EXD2: variants seen among roughly 807,000 people sequenced by gnomAD.
EXD2 encodes the protein exonuclease 3'-5' domain-containing protein 2.
Under a neutral mutation model 62.5 loss-of-function variants are expected in EXD2, and 40 were observed. The ratio of observed to expected loss-of-function variants is 0.64; its 90% CI spans 0.50 to 0.83. EXD2 has a LOEUF of 0.83. EXD2 is among the 40% of genes least tolerant of loss of function. The pLI is 0.00. For synonymous variants in EXD2, 239 were observed against 291.9 expected (o/e 0.82, Z 1.85); for missense variants, 671 against 761.8 (o/e 0.88, Z 1.40).
chr14:69,228,260 C>T (rs1245828973), intron 3 of EXD2, among the ~76,000 whole-genome samples: 8 of 143,200 alleles, frequency 5.6e-5, no homozygotes, highest in African/African-American at 2.1e-4. Context: ...GGCGCAATCT[C>T]GGCTCACTGC....
Position 69,243,243 on chromosome 14 carries a change from T to A in EXD2, c.*2143T>A, listed in dbSNP as rs2044025600. On this transcript the variant is annotated 3_prime_UTR_variant, in exon 10 of 10. Coordinates refer to ENST00000685843, the MANE Select transcript of EXD2 (RefSeq NM_001193360.2). ...TCAGAGATTTGAGGGTAGACTTATT[T>A]TATGGCAAATGTCTATTTTTCTGAT... 1.3e-5 allele frequency: 2 copies of A among 152,360 alleles called. No individual in the cohort carries two copies. The highest frequency in any genetic ancestry group is 2.9e-5 in the Non-Finnish European group (2 of 68,020). 9.4% of individuals were successfully genotyped at this position (152,360 alleles called of 1,614,324 possible).
chr14:69,208,450 T>A lies in EXD2; in HGVS notation c.-47-974T>A, dbSNP rs186998051. The stretch of plus-strand genomic sequence containing the variant: ...TGGTCTCGATCTCCTGACCTCGTGA[T>A]CCACCTGCCTCGGCCTCCCAAAGTG... On this transcript the variant is annotated intron_variant, in intron 2 of 9. Transcript: ENST00000685843. Among the ~76,000 whole-genome samples, 543 of 152,230 alleles carry A rather than the reference T, an allele frequency of 3.6e-3. 2 individuals carry two copies. Among genetic ancestry groups the A allele is most frequent in the South Asian group, 0.014 (67 of 4,820 alleles).
intron 9 of EXD2, chr14:69,239,047 A>G (rs1275066800): frequency 6.6e-6 from 1 of 152,214 alleles, no homozygotes; most frequent in African/African-American, 2.4e-5. Flanking sequence ...ACTGTGACTA[A>G]TGAATTCATG....
intron 1 of EXD2, among the ~76,000 whole-genome samples, chr14:69,195,051 T>C (rs2042156435): frequency 6.6e-6 from 1 of 152,102 alleles, no homozygotes; most frequent in African/African-American, 2.4e-5. Flanking sequence ...ACCCAGTCTC[T>C]ACTAAAAATA....
At chr14:69,203,438 G>C (rs917036722) in intron 1 of EXD2, among the ~76,000 whole-genome samples, 8 of 152,094 alleles carry the variant, frequency 5.3e-5, no homozygotes, top group African/African-American at 1.9e-4. Flanking sequence ...ACTTGGGTCT[G>C]TGCAGAAGGC....
intron 2 of EXD2, among the ~76,000 whole-genome samples, chr14:69,207,991 C>T (rs1195577298): frequency 6.6e-6 from 1 of 151,868 alleles, no homozygotes; most frequent in East Asian, 1.9e-4. Flanking sequence ...CTCCACCTCC[C>T]AAGTTCCAGC....
chr14:69,216,077 G>A (rs1229682737), intron 3 of EXD2, among the ~76,000 whole-genome samples: 9 of 152,054 alleles, frequency 5.9e-5, no homozygotes, highest in Non-Finnish European at 8.8e-5. Flanking sequence ...TTTTAACCTT[G>A]GCGATTCAGA....
chr14:69,232,652 T>TG (rs1182768305), intron 5 of EXD2, among the ~76,000 whole-genome samples: 15 of 152,226 alleles, frequency 9.9e-5, no homozygotes, highest in African/African-American at 3.6e-4. Flanking sequence ...CTAATGATGC[T>TG]GGGCATCTGT....
At chr14:69,234,569 G>C (rs570569838) in intron 5 of EXD2, 131 bp from the exon 6 acceptor site, 13 of 724,442 alleles carry the variant, frequency 1.8e-5, no homozygotes, top group Middle Eastern at 5.4e-4. Context: ...TTAAGGAAGT[G>C]TATGGTGCCC....
At position 69,243,401 on chromosome 14, in the gene EXD2, T is replaced by C. The variant is rs975655800; in HGVS notation, c.*2301T>C. 2.0e-5 allele frequency: 3 copies of C among 152,212 alleles called. No individual in the cohort carries two copies. The highest frequency in any genetic ancestry group is 4.4e-5 in the Non-Finnish European group (3 of 68,036). 9.4% of individuals were successfully genotyped at this position (152,212 alleles called of 1,614,324 possible). A position where few individuals can be genotyped will look rare whatever the true frequency, so the allele number is the denominator to read the frequency against. ...TCCTTTCAGTATTAAAAAGTGCATA[T>C]AAGGTGTATATTTACACAAAATTGA... On this transcript the variant is annotated 3_prime_UTR_variant, in exon 10 of 10. Coordinates refer to ENST00000685843, the MANE Select transcript of EXD2 (RefSeq NM_001193360.2).
chr14:69,217,053 C>A (rs916545646), intron 3 of EXD2, among the ~76,000 whole-genome samples: 2 of 151,952 alleles, frequency 1.3e-5, no homozygotes, highest in African/African-American at 4.8e-5. Flanking sequence ...TCTATGAGAT[C>A]AACTCTTTTA....
intron 1 of EXD2, among the ~76,000 whole-genome samples, chr14:69,200,992 T>C (rs1009652223): frequency 3.3e-5 from 5 of 151,344 alleles, no homozygotes. Flanking sequence ...GAGAATTGCT[T>C]GAACTCGGGA....
intron 4 of EXD2, among the ~76,000 whole-genome samples, chr14:69,230,044 G>A (rs1307537797): frequency 6.6e-6 from 1 of 152,112 alleles, no homozygotes; most frequent in Non-Finnish European, 1.5e-5. Flanking sequence ...CCCTTCATCA[G>A]GCCCTCCTTT....
Position 69,242,541 on chromosome 14 carries a change from T to C in EXD2, c.*1441T>C, listed in dbSNP as rs1211998417. On this transcript the variant is annotated 3_prime_UTR_variant, in exon 10 of 10. Transcript: ENST00000685843. ...CATGAACCCACGTGCACATCCTGCA[T>C]CTTGCTCTTCTGACCCTTCATTCCC... 6.6e-6 allele frequency: 1 copy of C among 152,602 alleles called. No homozygotes were observed. The highest frequency in any genetic ancestry group is 1.5e-5 in the Non-Finnish European group (1 of 68,306). The allele number at this position is 152,602 out of a possible 1,614,324, so 9.5% of individuals were successfully genotyped here.
At position 69,215,619 on chromosome 14, in the gene EXD2, T is replaced by C. The variant is rs117451641; in HGVS notation, c.333+5816T>C. Among the ~76,000 whole-genome samples, 391 of 152,344 alleles carry C rather than the reference T, an allele frequency of 2.6e-3. 1 individual carries two copies. The highest frequency in any genetic ancestry group is 3.6e-3 in the Non-Finnish European group (242 of 68,030). Reference sequence around the variant, plus strand: ...ACCTCCCTATATATGAAAATTGCCTTTGTTTTACATCCTTGTCCACATTTG... The same window carrying C: ...ACCTCCCTATATATGAAAATTGCCTCTGTTTTACATCCTTGTCCACATTTG... On this transcript the variant is annotated intron_variant, in intron 3 of 9. Coordinates refer to ENST00000685843, the MANE Select transcript of EXD2 (RefSeq NM_001193360.2).
At chr14:69,197,493 C>A (rs940535484) in intron 1 of EXD2, among the ~76,000 whole-genome samples, 5 of 151,602 alleles carry the variant, frequency 3.3e-5, no homozygotes, top group Non-Finnish European at 5.9e-5. Flanking sequence ...ACATGGGTAA[C>A]ATGTTATGCT....
intron 3 of EXD2, among the ~76,000 whole-genome samples, chr14:69,221,938 A>AAAT (rs2043198488): frequency 7.3e-6 from 1 of 136,740 alleles, no homozygotes. Context: ...AAAAAAAAAA[A>AAAT]TTAGCCAGGC....
chr14:69,203,819 A>G (rs1302234539), intron 1 of EXD2, 98 bp from the exon 2 acceptor site: 1 of 152,248 alleles, frequency 6.6e-6, no homozygotes, highest in African/African-American at 2.4e-5. Context: ...TAACATTTAT[A>G]GAATCCTAAT....
intron 3 of EXD2, among the ~76,000 whole-genome samples, chr14:69,218,180 A>G (rs2043049231): frequency 6.6e-6 from 1 of 152,116 alleles, no homozygotes; most frequent in Non-Finnish European, 1.5e-5. Context: ...ATTTCTCCAC[A>G]TCCTCTCCAG....
Sources: gnomAD v4.1 joint callset for allele counts (sites outside exome capture counted in the v4.1 genomes callset) on GRCh38, gnomAD v4.1.1 for gene constraint, MANE v1.5 for transcripts, NCBI Gene and HGNC (gene_info 2026-07-23, HGNC 2026-07-21) for gene names.